Variants in MMP26 observed in about 807,000 individuals in gnomAD.
MMP26 encodes the protein matrix metallopeptidase 26.
In MMP26, 33 loss-of-function variants were observed where a neutral mutation model predicts 31.0. That is an observed-to-expected ratio of 1.06 (90% confidence interval 0.81 to 1.42). The LOEUF is 1.42. Ranked by LOEUF, MMP26 falls within the 40% of genes most tolerant of loss-of-function variation. The pLI, the probability that MMP26 is intolerant of heterozygous loss-of-function variation, is 0.00. For synonymous variants in MMP26, 122 were observed against 114.9 expected, an observed-to-expected ratio of 1.06 and a Z score of -0.40; for missense variants, 347 against 316.1, an observed-to-expected ratio of 1.10 and a Z score of -0.74.
intron 2 of MMP26, among the ~76,000 whole-genome samples, chr11:4,859,034 A>C (rs1273566488): frequency 6.6e-6 from 1 of 152,224 alleles, no homozygotes; most frequent in Non-Finnish European, 1.5e-5. Flanking sequence ...GAAAGCTGAA[A>C]CTGGATCCCC....
intron 2 of MMP26, chr11:4,769,320 A>C: frequency 6.2e-7 from 1 of 1,613,538 alleles, no homozygotes; most frequent in Non-Finnish European, 8.5e-7. Context: ...ATTAATCCAC[A>C]GATGCTATTT....
chr11:4,784,421 T>A (rs928450255), intron 2 of MMP26, among the ~76,000 whole-genome samples: 2 of 152,180 alleles, frequency 1.3e-5, no homozygotes, highest in African/African-American at 4.8e-5. Context: ...TATAACCTTG[T>A]TTGGAAAAGG....
chr11:4,821,267 C>T (rs1251030955), intron 2 of MMP26: 2 of 803,012 alleles, frequency 2.5e-6, no homozygotes, highest in Non-Finnish European at 4.0e-6. Context: ...AAATGTGTAG[C>T]TCTGGGAAGC....
chr11:4,760,070 G>A (rs374302190), intron 1 of MMP26, among the ~76,000 whole-genome samples: 2 of 152,272 alleles, frequency 1.3e-5, no homozygotes, highest in South Asian at 4.1e-4. Context: ...AAGATAAAGA[G>A]TATTTTATTT....
At chr11:4,802,305 G>A (rs140659451) in intron 2 of MMP26, among the ~76,000 whole-genome samples, 213 of 152,278 alleles carry the variant, frequency 1.4e-3, no homozygotes, top group Non-Finnish European at 2.7e-3. Flanking sequence ...TTGGCAGAAT[G>A]CTAGGTGAAG....
At chr11:4,720,303 G>A (rs1847992792) in intron 1 of MMP26, among the ~76,000 whole-genome samples, 1 of 152,168 alleles carries the variant, frequency 6.6e-6, no homozygotes, top group Admixed American at 6.5e-5. Flanking sequence ...GCGTGTTCCT[G>A]CTTTTGGGAA....
chr11:4,821,822 A>G (rs1191242992), intron 2 of MMP26: 1 of 1,613,144 alleles, frequency 6.2e-7, no homozygotes, highest in Admixed American at 1.7e-5. Flanking sequence ...CCACTGAGAT[A>G]CACTACCATC....
At chr11:4,782,375 C>G (rs1056712998) in intron 2 of MMP26, among the ~76,000 whole-genome samples, 2 of 152,096 alleles carry the variant, frequency 1.3e-5, no homozygotes, top group African/African-American at 4.8e-5. Context: ...TTTGCCCCAC[C>G]CTAGAGATTT....
At chr11:4,979,864 T>C (rs933224140) in intron 2 of MMP26, among the ~76,000 whole-genome samples, 9 of 152,034 alleles carry the variant, frequency 5.9e-5, no homozygotes, top group South Asian at 2.1e-4. Flanking sequence ...AACAATAATT[T>C]AAAAAATCAG....
At chr11:4,867,847 A>G (rs1298916322) in intron 2 of MMP26, among the ~76,000 whole-genome samples, 2 of 152,176 alleles carry the variant, frequency 1.3e-5, no homozygotes, top group Non-Finnish European at 2.9e-5. Context: ...TTCCTCAAAG[A>G]CCTAGAGGCA....
At chr11:4,831,059 G>A (rs1849639610) in intron 2 of MMP26, among the ~76,000 whole-genome samples, 1 of 152,118 alleles carries the variant, frequency 6.6e-6, no homozygotes, top group African/African-American at 2.4e-5. Flanking sequence ...ATGAGGCAAA[G>A]GTCCTTAAAA....
intron 2 of MMP26, among the ~76,000 whole-genome samples, chr11:4,822,740 T>C (rs1163494798): frequency 1.3e-5 from 2 of 152,202 alleles, no homozygotes; most frequent in Non-Finnish European, 2.9e-5. Flanking sequence ...GAAAACACTT[T>C]AATTAGTTTC....
rs60791201 is a variant in MMP26 at position 4,790,198 on chromosome 11, G to A, written c.-145+22857G>A. Among the ~76,000 whole-genome samples the A allele has an allele frequency of 9.1e-3, 1,384 of 151,998 alleles. 13 individuals are homozygous for A. The highest frequency in any genetic ancestry group is 0.031 in the African/African-American group (1,265 of 41,466). On this transcript the variant is annotated intron_variant, in intron 2 of 7. Transcript: ENST00000380390. The stretch of plus-strand genomic sequence containing the variant: ...CTACTAAAAATACAAAAAATTAGCC[G>A]GGTGTGGTGGCACGTGCCTATAATC...
chr11:4,949,840 T>C (rs1846354024), intron 2 of MMP26, among the ~76,000 whole-genome samples: 2 of 123,954 alleles, frequency 1.6e-5, no homozygotes, highest in African/African-American at 5.4e-5. Flanking sequence ...AAACTTATTT[T>C]AATGTATACC....
intron 2 of MMP26, among the ~76,000 whole-genome samples, chr11:4,836,320 G>A (rs1467183676): frequency 6.6e-6 from 1 of 151,840 alleles, no homozygotes; most frequent in Non-Finnish European, 1.5e-5. Flanking sequence ...ATGCTGTGGT[G>A]GTGAGCACCT....
chr11:4,949,413 A>G (rs1183596475), intron 2 of MMP26, among the ~76,000 whole-genome samples: 1 of 123,264 alleles, frequency 8.1e-6, no homozygotes, highest in Non-Finnish European at 1.8e-5. Flanking sequence ...AGGCATGTAT[A>G]TTAATTATTA....
Position 4,731,629 on chromosome 11 carries a change from C to T in MMP26, c.-217+26584C>T, listed in dbSNP as rs117727256. ...ATAAGATATGCCTACGTATATACCT[C>T]TGGTGTGGGGACATTTTCTATAATA... is the stretch of plus-strand genomic sequence containing the variant. On this transcript the variant is annotated intron_variant, in intron 1 of 7. Transcript: ENST00000380390. Among the ~76,000 whole-genome samples, 16 of 152,296 alleles carry T rather than the reference C, an allele frequency of 1.1e-4. No homozygotes were observed. The East Asian group carries it at 3.1e-3, about 29-fold the overall frequency.
chr11:4,924,425 G>T, intron 2 of MMP26: 2 of 1,379,634 alleles, frequency 1.4e-6, no homozygotes, highest in South Asian at 1.4e-5. Flanking sequence ...TCACCTAAAT[G>T]TCCCAAGATC....
intron 1 of MMP26, among the ~76,000 whole-genome samples, chr11:4,756,276 A>T (rs1023091358): frequency 2.0e-5 from 3 of 152,102 alleles, no homozygotes; most frequent in African/African-American, 7.2e-5. Flanking sequence ...CAAATAAAAT[A>T]ATGAGAAAAT....
Sources: gnomAD v4.1 joint callset for allele counts (sites outside exome capture counted in the v4.1 genomes callset) on GRCh38, gnomAD v4.1.1 for gene constraint, MANE v1.5 for transcripts, NCBI Gene and HGNC (gene_info 2026-07-23, HGNC 2026-07-21) for gene names.